The following AOX1 variants were observed in gnomAD, a reference collection of about 807,000 sequenced individuals.
AOX1 encodes the protein aldehyde oxidase.
A neutral mutation model predicts 169.5 loss-of-function variants in AOX1; 153 were observed. The observed-to-expected ratio is 0.90, with a 90% CI of 0.79 to 1.03. The LOEUF (loss-of-function observed/expected upper bound fraction) is 1.03, where lower values mean the gene tolerates loss of function less well. AOX1 is among the 50% of genes least tolerant of loss of function. The pLI is 0.00. For missense variants in AOX1, 1,656 were observed against 1,663.9 expected (o/e 1.00, Z 0.08); for synonymous variants, 562 against 581.9 (o/e 0.97, Z 0.49).
chr2:200,609,082 G>T lies in AOX1; in HGVS notation c.1006G>T (p.Ala336Ser), dbSNP rs113152957. 1 of 1,614,078 alleles carries T rather than the reference G, an allele frequency of 6.2e-7. No individual in the cohort carries two copies. Among genetic ancestry groups the T allele is most frequent in the Admixed American group, 1.7e-5 (1 of 59,994 alleles). ...AGAGGAGAAGACACAGATGTACCAT[G>T]CTCTCCTGAAGCATTTGGGAACTCT... Reference protein sequence around the residue: ...LPEEKTQMYHALLKHLGTLAG... With the variant: ...LPEEKTQMYHSLLKHLGTLAG... Residue 336 changes from alanine (A) to serine (S), a missense_variant, in exon 11 of 35, where the codon GCT becomes TCT. Physicochemically the swap from Ala to Ser is moderately conservative, Grantham distance 99 (BLOSUM62 1). Transcript: ENST00000374700.
At chr2:200,595,200 T>C in intron 2 of AOX1, 72 bp from the exon 3 acceptor site, 1 of 1,092,314 alleles carries the variant, frequency 9.2e-7, no homozygotes. Context: ...GATATTACTG[T>C]CTCCTAGTGG....
intron 22 of AOX1, among the ~76,000 whole-genome samples, 154 bp downstream of exon 22, chr2:200,637,198 C>A (rs2035253052): frequency 6.6e-6 from 1 of 152,134 alleles, no homozygotes; most frequent in Admixed American, 6.5e-5. Flanking sequence ...ACTTACTTGT[C>A]TTATATTGTC....
intron 30 of AOX1, among the ~76,000 whole-genome samples, chr2:200,662,565 T>C (rs1242557420): frequency 6.6e-6 from 1 of 152,094 alleles, no homozygotes; most frequent in Non-Finnish European, 1.5e-5. Context: ...GATCCAATAT[T>C]AGCCAAAAGC....
chr2:200,620,926 T>G (rs4672866), intron 17 of AOX1, 107 bp downstream of exon 17: 429,482 of 1,358,354 alleles, frequency 0.32, 69,774 homozygotes, highest in East Asian at 0.38. Flanking sequence ...GTTGGTGATA[T>G]CCAATGCAGA....
At chr2:200,641,273 A>T in intron 24 of AOX1, 89 bp downstream of exon 24, 1 of 908,508 alleles carries the variant, frequency 1.1e-6, no homozygotes, top group Non-Finnish European at 1.8e-6. Context: ...GTTAAGTAAT[A>T]TTTGATTATA....
intron 2 of AOX1, among the ~76,000 whole-genome samples, chr2:200,594,078 T>G (rs2034230028): frequency 6.6e-6 from 1 of 152,188 alleles, no homozygotes. Flanking sequence ...AGGATTTTAT[T>G]AGGAGAAATG....
In AOX1 at chr2:200,656,892, C is replaced by T. The variant is rs781755132; in HGVS notation, c.3126C>T (p.His1042=). ...IYLDGSVLVT[H]GGIEMGQGVH... ...TTGATGGCTCTGTGCTGGTCACTCA[C>T]GGTGGAATTGAAATGGGGCAGGGGG... Residue 1042 remains histidine, a synonymous_variant, in exon 27 of 35, where the codon CAC becomes CAT. Coordinates refer to ENST00000374700, the MANE Select transcript of AOX1 (RefSeq NM_001159.4). 4.8e-5 allele frequency: 76 copies of T among 1,576,732 alleles called. No homozygotes were observed. The South Asian group carries it at 6.1e-4, about 13-fold the overall frequency.
At position 200,613,804 on chromosome 2, in the gene AOX1, G is replaced by T; in HGVS notation, c.1449G>T (p.Arg483Ser). The change falls in exon 15 of 35, where the codon AGG becomes AGT. Residue 483 changes from arginine to serine, a missense_variant and splice_region_variant. Arg to Ser is a moderately radical substitution (Grantham distance 110). Transcript: ENST00000374700. ...AKNSCQKLIG[R>S]HWNEQMLDIA... ...GGAGTCTTCTCTTTGGACTTTCCAG[G>T]CACTGGAACGAACAGATGCTGGATA... The T allele has an allele frequency of 6.2e-7, 1 of 1,610,874 alleles. No individual in the cohort carries two copies. Among genetic ancestry groups the T allele is most frequent in the Non-Finnish European group, 8.5e-7 (1 of 1,179,096 alleles).
intron 2 of AOX1, 124 bp from the exon 3 acceptor site, chr2:200,595,148 T>A (rs2034255370): frequency 4.0e-6 from 2 of 503,054 alleles, no homozygotes; most frequent in South Asian, 3.5e-5. Context: ...ACACATTATT[T>A]GATGAATATG....
Position 200,617,966 on chromosome 2 carries a change from G to A in AOX1, c.1704+1903G>A, listed in dbSNP as rs373137509. ...ATCTCAGCTCCTCGAAGCAGAGGGG[G>A]AAGAGGAGAACTGAGGGGATTCCTT... On this transcript the variant is annotated intron_variant, in intron 16 of 34. Coordinates refer to ENST00000374700, the MANE Select transcript of AOX1 (RefSeq NM_001159.4). 2.9e-3 allele frequency among the ~76,000 whole-genome samples: 435 copies of A among 152,296 alleles called. 2 individuals carry two copies. Among genetic ancestry groups the A allele is most frequent in the African/African-American group, 9.9e-3 (413 of 41,558 alleles).
rs1212450131 is a variant in AOX1 at position 200,597,510 on chromosome 2, G to A, written c.309+5G>A. 6.3e-7 allele frequency: 1 copy of A among 1,596,672 alleles called. No homozygotes were observed. The highest frequency in any genetic ancestry group is 8.6e-7 in the Non-Finnish European group (1 of 1,166,880). ...ACCAGAATTCATCCTGTTCAGGTGA[G>A]GATGTGCCTCTTCCTTATAGGCTTT... On this transcript the variant is annotated splice_donor_5th_base_variant and intron_variant, in intron 4 of 34. Transcript: ENST00000374700.
At chr2:200,615,076 G>A (rs1461534440) in intron 15 of AOX1, among the ~76,000 whole-genome samples, 1 of 151,926 alleles carries the variant, frequency 6.6e-6, no homozygotes, top group Non-Finnish European at 1.5e-5. Context: ...TGATATCATA[G>A]CTCAGTGCAG....
intron 20 of AOX1, among the ~76,000 whole-genome samples, chr2:200,630,511 A>G (rs1222089267): frequency 6.7e-6 from 1 of 149,334 alleles, no homozygotes; most frequent in Non-Finnish European, 1.5e-5. Flanking sequence ...CAACAGTGAG[A>G]CTGTCAAAAA....
At chr2:200,602,142 G>T (rs1166098294) in intron 5 of AOX1, 142 bp from the exon 6 acceptor site, 2 of 597,154 alleles carry the variant, frequency 3.3e-6, no homozygotes, top group Non-Finnish European at 5.9e-6. Flanking sequence ...CTGTTGAAAA[G>T]ATCTGACTTT....
downstream of AOX1, among the ~76,000 whole-genome samples, chr2:200,673,556 C>T (rs1362418999): frequency 6.6e-6 from 1 of 152,192 alleles, no homozygotes; most frequent in Non-Finnish European, 1.5e-5. Context: ...CTGACTATTG[C>T]AATAATCCCC....
intron 18 of AOX1, among the ~76,000 whole-genome samples, chr2:200,622,060 A>T (rs1461960477): frequency 1.3e-5 from 2 of 152,182 alleles, no homozygotes; most frequent in South Asian, 2.1e-4. Context: ...CTTAAATGGG[A>T]TTTTTAAAAG....
intron 31 of AOX1, among the ~76,000 whole-genome samples, chr2:200,664,015 T>A (rs1198726202): frequency 1.3e-5 from 2 of 152,198 alleles, no homozygotes; most frequent in African/African-American, 4.8e-5. Context: ...CTCTATAGGG[T>A]AACCTCGCAC....
intron 33 of AOX1, 104 bp downstream of exon 33, chr2:200,668,907 G>A: frequency 2.1e-6 from 2 of 957,374 alleles, no homozygotes; most frequent in Non-Finnish European, 3.0e-6. Flanking sequence ...TACCAGGATT[G>A]CAGAAGAAAA....
chr2:200,591,222 T>G (rs781294564), intron 1 of AOX1, among the ~76,000 whole-genome samples: 5 of 152,244 alleles, frequency 3.3e-5, no homozygotes, highest in Non-Finnish European at 7.3e-5. Context: ...GAAGATGGCT[T>G]CTTTCAGGAT....
Sources: allele counts gnomAD v4.1 joint callset (sites outside exome capture counted in the v4.1 genomes callset), GRCh38; gene constraint gnomAD v4.1.1; transcripts MANE v1.5; gene names NCBI Gene and HGNC (gene_info 2026-07-23, HGNC 2026-07-21).